Variants in KMT2C observed in about 807,000 individuals in gnomAD.
The protein encoded by KMT2C is histone-lysine N-methyltransferase 2C.
In KMT2C, 88 loss-of-function variants were observed where a neutral mutation model predicts 507.9. The ratio of observed to expected loss-of-function variants is 0.17; its 90% CI spans 0.15 to 0.21. The LOEUF (loss-of-function observed/expected upper bound fraction) is 0.21. Among genes scored for constraint, KMT2C ranks in the 10% least tolerant of loss-of-function variants. The probability of loss-of-function intolerance (pLI) is 1.00; values close to 1 mark genes in which losing one functional copy is unlikely to be tolerated. For missense variants in KMT2C, 4,954 were observed against 5,957.8 expected (o/e 0.83, Z 5.55); for synonymous variants, 2,049 against 2,080.8 (o/e 0.98, Z 0.42).
chr7:152,155,641 G>T (rs1014479293), intron 46 of KMT2C, among the ~76,000 whole-genome samples: 1 of 152,010 alleles, frequency 6.6e-6, no homozygotes, highest in African/African-American at 2.4e-5. Flanking sequence ...ATGTCTATTA[G>T]ATTATTTAAT....
intron 24 of KMT2C, among the ~76,000 whole-genome samples, chr7:152,205,999 G>A (rs1265217533): frequency 6.6e-6 from 1 of 152,170 alleles, no homozygotes; most frequent in Non-Finnish European, 1.5e-5. Flanking sequence ...GGGACACATA[G>A]AGCCCTGTGT....
At chr7:152,337,072 C>A (rs2096942430) in intron 2 of KMT2C, among the ~76,000 whole-genome samples, 1 of 152,240 alleles carries the variant, frequency 6.6e-6, no homozygotes, top group East Asian at 1.9e-4. Flanking sequence ...ATCACTTAAG[C>A]CCAGAAGTTC....
intron 37 of KMT2C, among the ~76,000 whole-genome samples, chr7:152,179,603 A>G (rs1406686926): frequency 6.7e-6 from 1 of 148,734 alleles, no homozygotes; most frequent in Non-Finnish European, 1.5e-5. Context: ...TTCCTGATTA[A>G]TACTAACTTC....
At chr7:152,146,949 T>C (rs1402304474) in intron 52 of KMT2C, among the ~76,000 whole-genome samples, 1 of 152,138 alleles carries the variant, frequency 6.6e-6, no homozygotes, top group African/African-American at 2.4e-5. Flanking sequence ...GGGAAAATAA[T>C]AGATTAAGGA....
chr7:152,331,773 T>C (rs953487974), intron 2 of KMT2C, among the ~76,000 whole-genome samples: 2 of 149,620 alleles, frequency 1.3e-5, no homozygotes, highest in Admixed American at 1.4e-4. Context: ...CTCAGCCTCC[T>C]GAATAGCTGG....
chr7:152,142,898 A>C (rs1587633238), intron 55 of KMT2C, among the ~76,000 whole-genome samples: 1 of 152,190 alleles, frequency 6.6e-6, no homozygotes, highest in Non-Finnish European at 1.5e-5. Flanking sequence ...TTAGCACAGA[A>C]AAACAGGATA....
chr7:152,421,206 A>G (rs1320243170), intron 1 of KMT2C, among the ~76,000 whole-genome samples: 1 of 152,140 alleles, frequency 6.6e-6, no homozygotes, highest in Non-Finnish European at 1.5e-5. Flanking sequence ...CATCTCACAC[A>G]AGTCAGAATG....
At chr7:152,312,685 A>G (rs1443189002) in intron 4 of KMT2C, among the ~76,000 whole-genome samples, 1 of 152,194 alleles carries the variant, frequency 6.6e-6, no homozygotes, top group Non-Finnish European at 1.5e-5. Context: ...TAAACAACAT[A>G]TGGGAGATTT....
intron 6 of KMT2C, among the ~76,000 whole-genome samples, chr7:152,283,269 G>A (rs900846839): frequency 6.6e-6 from 1 of 152,254 alleles, no homozygotes; most frequent in African/African-American, 2.4e-5. Context: ...AAACACGTTT[G>A]CTTAACACAA....
chr7:152,282,696 C>T (rs1588885208), intron 6 of KMT2C, among the ~76,000 whole-genome samples: 2 of 151,916 alleles, frequency 1.3e-5, no homozygotes, highest in African/African-American at 4.8e-5. Flanking sequence ...GGAATAGTAA[C>T]CAACAGGAGG....
At chr7:152,310,669 T>TTTTG (rs2096663591) in intron 5 of KMT2C, among the ~76,000 whole-genome samples, 1 of 152,064 alleles carries the variant, frequency 6.6e-6, no homozygotes. Context: ...TTCTGTTTTT[T>TTTTG]TTTGTTGTTG....
At chr7:152,192,809 T>A (rs1035483403) in intron 31 of KMT2C, among the ~76,000 whole-genome samples, 1 of 152,204 alleles carries the variant, frequency 6.6e-6, no homozygotes, top group Non-Finnish European at 1.5e-5. Flanking sequence ...CCTCATGTTA[T>A]TCAATTCAGG....
At chr7:152,164,124 T>C (rs2092606188) in intron 42 of KMT2C, among the ~76,000 whole-genome samples, 1 of 152,166 alleles carries the variant, frequency 6.6e-6, no homozygotes. Context: ...AACTCATATA[T>C]ACTATTTATA....
chr7:152,315,670 G>A (rs1426935658), intron 3 of KMT2C, among the ~76,000 whole-genome samples: 4 of 152,144 alleles, frequency 2.6e-5, no homozygotes, highest in African/African-American at 9.7e-5. Context: ...GGCCAAGCAC[G>A]GTGGCTCATG....
At chr7:152,416,220 T>C (rs1337953040) in intron 1 of KMT2C, among the ~76,000 whole-genome samples, 2 of 152,240 alleles carry the variant, frequency 1.3e-5, no homozygotes, top group Admixed American at 1.3e-4. Flanking sequence ...CGAAACCCTG[T>C]ATTTTTAGTA....
intron 2 of KMT2C, among the ~76,000 whole-genome samples, chr7:152,335,517 G>A (rs1268077199): frequency 2.6e-5 from 4 of 152,144 alleles, no homozygotes; most frequent in Non-Finnish European, 5.9e-5. Flanking sequence ...CCTGGAGCCA[G>A]ATCCATTTGT....
At chr7:152,272,202 A>G (rs992999445) in intron 7 of KMT2C, among the ~76,000 whole-genome samples, 4 of 152,186 alleles carry the variant, frequency 2.6e-5, no homozygotes, top group Admixed American at 1.3e-4. Context: ...GATCAACAAC[A>G]GCATATTATC....
chr7:152,145,258 C>T lies in KMT2C; in HGVS notation c.14069G>A (p.Arg4690Gln), dbSNP rs1563133837. 2 of 1,614,102 alleles carry T rather than the reference C, an allele frequency of 1.2e-6. No individual in the cohort carries two copies. Among genetic ancestry groups the T allele is most frequent in the Non-Finnish European group, 1.7e-6 (2 of 1,180,020 alleles). ...GVEACENYTF[R>Q]YGRNPLMELP... is the part of the protein sequence containing the mutation. ...TTCCATGAGAGGATTTCGGCCGTAT[C>T]GGAAGGTATAATTTTCACATGCCTC... is the stretch of plus-strand genomic sequence containing the variant. The change falls in exon 54 of 59, where the codon CGA (arginine) becomes CAA (glutamine). Residue 4690 changes from arginine to glutamine, a missense_variant. Physicochemically the swap from Arg to Gln is conservative, Grantham distance 43. This residue lies in a region of KMT2C where 221 missense variants were observed against 304.7 expected (regional missense o/e 0.73). Transcript: ENST00000262189.
intron 9 of KMT2C, among the ~76,000 whole-genome samples, chr7:152,260,260 T>G (rs113605878): frequency 2.0e-5 from 3 of 152,278 alleles, no homozygotes; most frequent in Admixed American, 6.5e-5. Context: ...ATTATGTAAT[T>G]CTGTCACTCT....
Sources: allele counts gnomAD v4.1 joint callset (sites outside exome capture counted in the v4.1 genomes callset), GRCh38; gene constraint gnomAD v4.1.1; regional missense constraint gnomAD v4.1.1; transcripts MANE v1.5; gene names NCBI Gene and HGNC (gene_info 2026-07-23, HGNC 2026-07-21).